CLEC5A: variants seen among roughly 807,000 people sequenced by gnomAD.
The protein encoded by CLEC5A is C-type lectin domain containing 5A, also known as C-type lectin domain family 5 member A.
In CLEC5A, 15 loss-of-function variants were observed where a neutral mutation model predicts 24.4. The ratio of observed to expected loss-of-function variants is 0.62; its 90% CI spans 0.41 to 0.95. The LOEUF (loss-of-function observed/expected upper bound fraction) is 0.95. CLEC5A is among the 40% of genes least tolerant of loss of function. The pLI, the probability that CLEC5A is intolerant of heterozygous loss-of-function variation, is 0.00. For missense variants in CLEC5A, 211 were observed against 224.0 expected, an observed-to-expected ratio of 0.94 and a Z score of 0.37; for synonymous variants, 71 against 72.6, an observed-to-expected ratio of 0.98 and a Z score of 0.11.
intron 4 of CLEC5A, among the ~76,000 whole-genome samples, chr7:141,939,039 T>C (rs187140760): frequency 7.9e-5 from 12 of 152,180 alleles, no homozygotes; most frequent in African/African-American, 2.6e-4. Flanking sequence ...AATCTGAAAG[T>C]AAAGGACATT....
At chr7:141,938,307 A>G (rs958039657) in intron 4 of CLEC5A, among the ~76,000 whole-genome samples, 1 of 152,194 alleles carries the variant, frequency 6.6e-6, no homozygotes, top group South Asian at 2.1e-4. Context: ...ATTCTATCAG[A>G]TAAACTAAGA....
At chr7:141,930,259 A>G (rs782542645) in intron 6 of CLEC5A, 41 bp from the exon 7 acceptor site, 1 of 1,476,348 alleles carries the variant, frequency 6.8e-7, no homozygotes, top group Non-Finnish European at 9.4e-7. Context: ...AACAAACAAA[A>G]AACAAAGCAT....
chr7:141,945,228 G>T (rs546095772), intron 3 of CLEC5A, 113 bp downstream of exon 3: 1 of 821,034 alleles, frequency 1.2e-6, no homozygotes, highest in Non-Finnish European at 2.2e-6. Context: ...GATCTTTATG[G>T]ACCCTTTGTA....
At chr7:141,933,934 A>G (rs1554440729) in intron 5 of CLEC5A, among the ~76,000 whole-genome samples, 2 of 152,134 alleles carry the variant, frequency 1.3e-5, no homozygotes, top group African/African-American at 4.8e-5. Flanking sequence ...CAAGCAGCTG[A>G]GACAGACAGA....
intron 6 of CLEC5A, among the ~76,000 whole-genome samples, chr7:141,930,569 G>C (rs116914065): frequency 1.7e-3 from 252 of 152,280 alleles, no homozygotes; most frequent in Admixed American, 2.8e-3. Flanking sequence ...TACTGTTTAG[G>C]ATAGCATGCA....
At position 141,929,863 on chromosome 7, in the gene CLEC5A, C is replaced by G. The variant is rs1206869988; in HGVS notation, c.*241G>C. ...AGGCCTTTTTGATCAGTCAGAAATG[C>G]TCAGTACTACAGAAGCGGACCTCAT... is the stretch of plus-strand genomic sequence containing the variant. On this transcript the variant is annotated 3_prime_UTR_variant, in exon 7 of 7. Coordinates refer to ENST00000546910, the MANE Select transcript of CLEC5A (RefSeq NM_013252.3). The G allele has an allele frequency of 2.3e-6, 1 of 438,186 alleles. No homozygotes were observed. 27.1% of individuals were successfully genotyped at this position (438,186 alleles called of 1,614,324 possible).
chr7:141,928,340 T>C lies in CLEC5A; in HGVS notation c.*1764A>G, dbSNP rs1369687343. The C allele has an allele frequency of 6.6e-6, 1 of 152,618 alleles. No homozygotes were observed. Among genetic ancestry groups the C allele is most frequent in the Non-Finnish European group, 1.5e-5 (1 of 68,040 alleles). 9.5% of individuals were successfully genotyped at this position (152,618 alleles called of 1,614,324 possible). On this transcript the variant is annotated 3_prime_UTR_variant, in exon 7 of 7. Coordinates refer to ENST00000546910, the MANE Select transcript of CLEC5A (RefSeq NM_013252.3). ...AGTTATTCTGTCATGAAATAGGAAG[T>C]GAAGCAACTACAGTTCTCTCTTCTC... is the stretch of plus-strand genomic sequence containing the variant.
rs1554439759 is a variant in CLEC5A at position 141,928,093 on chromosome 7, T to C, written c.*2011A>G. 1 of 151,940 alleles carries C rather than the reference T, an allele frequency of 6.6e-6. No homozygotes were observed. Among genetic ancestry groups the C allele is most frequent in the African/African-American group, 2.4e-5 (1 of 41,340 alleles). 9.4% of individuals were successfully genotyped at this position (151,940 alleles called of 1,614,324 possible). A position where few individuals can be genotyped will look rare whatever the true frequency, so the allele number is the denominator to read the frequency against. On this transcript the variant is annotated 3_prime_UTR_variant, in exon 7 of 7. Transcript: ENST00000546910. Reference sequence around the variant, plus strand: ...TTTTTTAAAGCATGCCACTGCTATCTAATAAAGATCACATTTATCTAAGCT... The same window carrying C: ...TTTTTTAAAGCATGCCACTGCTATCCAATAAAGATCACATTTATCTAAGCT...
chr7:141,946,095 T>A, intron 2 of CLEC5A, 119 bp downstream of exon 2: 1 of 1,104,322 alleles, frequency 9.1e-7, no homozygotes, highest in African/African-American at 1.6e-5. Flanking sequence ...GTTGGGTCAG[T>A]TAGTCTCAGG....
intron 4 of CLEC5A, among the ~76,000 whole-genome samples, chr7:141,940,686 CA>C (rs36046482): frequency 0.7 from 101,036 of 144,748 alleles, 34,793 homozygotes; most frequent in African/African-American, 0.74. Context: ...TTAGCCAGAC[CA>C]AAAAAAAAAA....
intron 5 of CLEC5A, among the ~76,000 whole-genome samples, chr7:141,933,933 GAGAC>G (rs1367707353): frequency 4.6e-5 from 7 of 152,150 alleles, no homozygotes; most frequent in Non-Finnish European, 1.0e-4. Context: ...GCAAGCAGCT[GAGAC>G]AGACAGACAG....
At chr7:141,940,996 G>A (rs887557792) in intron 4 of CLEC5A, among the ~76,000 whole-genome samples, 1 of 151,908 alleles carries the variant, frequency 6.6e-6, no homozygotes, top group Admixed American at 6.6e-5. Flanking sequence ...ATTCTGCCAA[G>A]TATTTAAAGA....
intron 4 of CLEC5A, among the ~76,000 whole-genome samples, chr7:141,936,725 C>A (rs1461607906): frequency 6.6e-6 from 1 of 152,048 alleles, no homozygotes; most frequent in African/African-American, 2.4e-5. Flanking sequence ...CCAGGGTGGC[C>A]AAGGGAATGC....
chr7:141,942,826 G>T (rs116169413), intron 4 of CLEC5A, among the ~76,000 whole-genome samples: 1,891 of 152,092 alleles, frequency 0.012, 33 homozygotes, highest in African/African-American at 0.043. Context: ...ATATAAAAAG[G>T]TGCTCAACAC....
chr7:141,946,474 C>T (rs1169526836), intron 1 of CLEC5A, among the ~76,000 whole-genome samples, 162 bp from the exon 2 acceptor site: 8 of 152,182 alleles, frequency 5.3e-5, no homozygotes, highest in African/African-American at 1.9e-4. Context: ...GGGCCGCGAA[C>T]ACAGAAAGAA....
intron 5 of CLEC5A, among the ~76,000 whole-genome samples, chr7:141,932,063 C>G (rs913941467): frequency 1.2e-4 from 18 of 152,146 alleles, no homozygotes; most frequent in African/African-American, 4.1e-4. Flanking sequence ...TTAAGTAGGT[C>G]TAGTGAAGGG....
chr7:141,935,217 A>G (rs1490224353), intron 5 of CLEC5A, among the ~76,000 whole-genome samples: 1 of 152,196 alleles, frequency 6.6e-6, no homozygotes. Flanking sequence ...TGGGTTTTGG[A>G]GTCAGAGAGT....
At chr7:141,937,522 G>C (rs1034081919) in intron 4 of CLEC5A, among the ~76,000 whole-genome samples, 4 of 152,050 alleles carry the variant, frequency 2.6e-5, no homozygotes, top group Non-Finnish European at 4.4e-5. Flanking sequence ...CAGAACACCA[G>C]GTAGATTTAT....
chr7:141,945,951 A>G, intron 2 of CLEC5A: 2 of 448,678 alleles, frequency 4.5e-6, no homozygotes, highest in Non-Finnish European at 8.0e-6. Context: ...CCCAAATAAT[A>G]CTCTACTAGC....
Sources: gnomAD v4.1 joint callset for allele counts (sites outside exome capture counted in the v4.1 genomes callset) on GRCh38, gnomAD v4.1.1 for gene constraint, MANE v1.5 for transcripts, NCBI Gene and HGNC (gene_info 2026-07-23, HGNC 2026-07-21) for gene names.